Variants in SORCS3 observed in about 807,000 individuals in gnomAD.
SORCS3 encodes the protein VPS10 domain-containing receptor SorCS3.
SORCS3 carries 57 observed loss-of-function variants against 146.3 expected under a neutral mutation model. The observed-to-expected ratio is 0.39, with a 90% confidence interval of 0.31 to 0.49. The LOEUF (loss-of-function observed/expected upper bound fraction) is 0.49. SORCS3 is among the 20% of genes least tolerant of loss of function. SORCS3 has a pLI of 0.92. For synonymous variants in SORCS3, 653 were observed against 618.5 expected (o/e 1.06, Z -0.83); for missense variants, 1,341 against 1,575.5 (o/e 0.85, Z 2.52).
At chr10:104,768,016 TG>T (rs1421562701) in intron 1 of SORCS3, among the ~76,000 whole-genome samples, 1 of 152,154 alleles carries the variant, frequency 6.6e-6, no homozygotes, top group African/African-American at 2.4e-5. Flanking sequence ...TAAGCAGAAT[TG>T]GCACTTGAGT....
At chr10:105,241,402 C>T (rs563278694) in intron 20 of SORCS3, among the ~76,000 whole-genome samples, 11 of 152,332 alleles carry the variant, frequency 7.2e-5, no homozygotes, top group African/African-American at 2.4e-4. Context: ...ACCCTGAAGC[C>T]CCAGAGGGGG....
In SORCS3 at chr10:104,886,344, A is replaced by G. The variant is rs180911804; in HGVS notation, c.696-29489A>G. Among the ~76,000 whole-genome samples the G allele has an allele frequency of 2.2e-3, 334 of 152,256 alleles. 3 individuals are homozygous for G. The highest frequency in any genetic ancestry group is 7.8e-3 in the African/African-American group (322 of 41,546). On this transcript the variant is annotated intron_variant, in intron 2 of 26. Coordinates refer to ENST00000369701, the MANE Select transcript of SORCS3 (RefSeq NM_014978.3). Reference sequence around the variant, plus strand: ...TATGTGGTGTTTCTCTCTTTACAGTATTCCTGAAAATTGCATTTGAATATC... The same window carrying G: ...TATGTGGTGTTTCTCTCTTTACAGTGTTCCTGAAAATTGCATTTGAATATC...
intron 8 of SORCS3, among the ~76,000 whole-genome samples, chr10:105,143,714 CTATT>C (rs1156561945): frequency 2.6e-5 from 4 of 152,126 alleles, no homozygotes; most frequent in Admixed American, 6.6e-5. Flanking sequence ...ACATAAGAGA[CTATT>C]TAATTATAAT....
chr10:104,750,221 T>G (rs2016968032), intron 1 of SORCS3, among the ~76,000 whole-genome samples: 1 of 152,130 alleles, frequency 6.6e-6, no homozygotes, highest in Non-Finnish European at 1.5e-5. Flanking sequence ...GGGACTGCAA[T>G]GAGGGCTTGG....
intron 4 of SORCS3, among the ~76,000 whole-genome samples, chr10:105,018,533 C>G (rs2055181319): frequency 6.6e-6 from 1 of 152,188 alleles, no homozygotes; most frequent in African/African-American, 2.4e-5. Context: ...GGCAGGAAAA[C>G]AACAAATATA....
intron 1 of SORCS3, among the ~76,000 whole-genome samples, chr10:104,718,935 T>C (rs1026748542): frequency 6.6e-6 from 1 of 152,188 alleles, no homozygotes; most frequent in Non-Finnish European, 1.5e-5. Context: ...TGCTGTCCAA[T>C]TGAAATATAA....
rs554595375 is a variant in SORCS3 at position 105,247,341 on chromosome 10, C to G, written c.3105+10C>G. On this transcript the variant is annotated intron_variant, in intron 22 of 26. Transcript: ENST00000369701. ...GCGAGCTCTGGTTAAAGTAAGTTGGCTTTGTCTTTTTTTAAGTTCTTGTGA... is the reference window on the plus strand; with the variant it reads ...GCGAGCTCTGGTTAAAGTAAGTTGGGTTTGTCTTTTTTTAAGTTCTTGTGA... 7 of 1,529,380 alleles carry G rather than the reference C, an allele frequency of 4.6e-6. No individual in the cohort carries two copies. The South Asian group carries it at 6.8e-5, about 15-fold the overall frequency. The allele number at this position is 1,529,380 out of a possible 1,614,324, so 94.7% of individuals were successfully genotyped here.
chr10:104,962,117 G>A (rs2054799779), intron 3 of SORCS3, among the ~76,000 whole-genome samples: 1 of 152,152 alleles, frequency 6.6e-6, no homozygotes, highest in African/African-American at 2.4e-5. Context: ...GGAAGACCGA[G>A]ATCATTCAGC....
chr10:105,226,318 G>GT (rs1357278040), intron 20 of SORCS3, among the ~76,000 whole-genome samples: 2 of 151,986 alleles, frequency 1.3e-5, no homozygotes, highest in African/African-American at 2.4e-5. Flanking sequence ...ATGATCATAT[G>GT]TTTTTTGTCA....
chr10:105,073,474 C>T (rs1328103145), intron 5 of SORCS3, among the ~76,000 whole-genome samples: 1 of 152,154 alleles, frequency 6.6e-6, no homozygotes, highest in Non-Finnish European at 1.5e-5. Context: ...CCCAAGATGC[C>T]CTTGCTTGTT....
intron 1 of SORCS3, among the ~76,000 whole-genome samples, chr10:104,651,077 A>G (rs944745241): frequency 1.3e-5 from 2 of 152,238 alleles, no homozygotes; most frequent in East Asian, 1.9e-4. Flanking sequence ...CTTGTCTACA[A>G]TAAGAGTTCT....
chr10:105,125,679 CCACACACA>C, intron 7 of SORCS3, among the ~76,000 whole-genome samples: 1 of 144,486 alleles, frequency 6.9e-6, no homozygotes, highest in South Asian at 2.3e-4. Flanking sequence ...CACTGAATAT[CCACACACA>C]CACACACACA....
chr10:104,805,822 T>C (rs1485021545), intron 1 of SORCS3, among the ~76,000 whole-genome samples: 2 of 152,170 alleles, frequency 1.3e-5, no homozygotes, highest in Non-Finnish European at 2.9e-5. Context: ...TACCTCACAC[T>C]CTCTACCCTT....
chr10:104,688,949 G>A (rs1589458436), intron 1 of SORCS3, among the ~76,000 whole-genome samples: 1 of 152,226 alleles, frequency 6.6e-6, no homozygotes, highest in East Asian at 1.9e-4. Context: ...TGCATGCCAA[G>A]GAAGTGAGAA....
chr10:105,190,860 A>G (rs935777684), intron 14 of SORCS3, among the ~76,000 whole-genome samples: 2 of 152,244 alleles, frequency 1.3e-5, no homozygotes, highest in East Asian at 1.9e-4. Flanking sequence ...TAATCATAAT[A>G]TATAACCATA....
At chr10:105,025,464 C>G (rs1200445599) in intron 4 of SORCS3, among the ~76,000 whole-genome samples, 1 of 152,116 alleles carries the variant, frequency 6.6e-6, no homozygotes, top group African/African-American at 2.4e-5. Context: ...GCAATTTAAT[C>G]ATCAGCTGAA....
chr10:105,074,816 A>C (rs768732), intron 5 of SORCS3, among the ~76,000 whole-genome samples: 2 of 151,942 alleles, frequency 1.3e-5, no homozygotes, highest in Admixed American at 1.3e-4. Context: ...TGTCTACACC[A>C]ATATCATGTA....
At chr10:105,080,281 G>A (rs192856010) in intron 5 of SORCS3, among the ~76,000 whole-genome samples, 9 of 152,080 alleles carry the variant, frequency 5.9e-5, no homozygotes, top group Admixed American at 5.9e-4. Context: ...TCTCACAGTG[G>A]TTCTGATTTG....
chr10:105,217,708 T>C (rs2056673629), intron 19 of SORCS3: 1 of 428,744 alleles, frequency 2.3e-6, no homozygotes, highest in Admixed American at 2.4e-5. Context: ...ATTTCATTGC[T>C]ATTGGCTGTT....
Sources: gnomAD v4.1 joint callset for allele counts (sites outside exome capture counted in the v4.1 genomes callset) on GRCh38, gnomAD v4.1.1 for gene constraint, MANE v1.5 for transcripts, NCBI Gene and HGNC (gene_info 2026-07-23, HGNC 2026-07-21) for gene names.